DLG2: variants seen among roughly 807,000 people sequenced by gnomAD.
DLG2 encodes discs large MAGUK scaffold protein 2, also known as disks large homolog 2.
DLG2 carries 45 observed loss-of-function variants against 132.5 expected under a neutral mutation model. That is an observed-to-expected ratio of 0.34 (90% confidence interval 0.27 to 0.44). DLG2 has a LOEUF of 0.44. DLG2 is among the 20% of genes least tolerant of loss of function. The pLI is 1.00. For synonymous variants in DLG2, 424 were observed against 419.6 expected (o/e 1.01, Z -0.13); for missense variants, 1,045 against 1,196.9 (o/e 0.87, Z 1.87).
chr11:85,465,832 G>A (rs935999065), intron 3 of DLG2, among the ~76,000 whole-genome samples: 10 of 151,556 alleles, frequency 6.6e-5, no homozygotes, highest in Non-Finnish European at 1.3e-4. Context: ...GTAATGGGAT[G>A]GCTGGGTCAA....
intron 3 of DLG2, among the ~76,000 whole-genome samples, chr11:85,325,173 A>C (rs1246114902): frequency 6.9e-6 from 1 of 145,754 alleles, no homozygotes; most frequent in African/African-American, 2.5e-5. Context: ...ATCAAACTGC[A>C]AGGCGGCAAC....
At chr11:83,842,370 C>T (rs192737161) in intron 16 of DLG2, among the ~76,000 whole-genome samples, 186 of 151,734 alleles carry the variant, frequency 1.2e-3, no homozygotes, top group African/African-American at 3.9e-3. Context: ...CCAAGGCGGG[C>T]GGATCATGAG....
At chr11:85,530,458 T>G (rs531633561) in intron 3 of DLG2, among the ~76,000 whole-genome samples, 11 of 152,020 alleles carry the variant, frequency 7.2e-5, no homozygotes, top group African/African-American at 2.7e-4. Context: ...TTAGTTGCAA[T>G]TACAGGCACA....
intron 15 of DLG2, among the ~76,000 whole-genome samples, chr11:83,883,990 G>A (rs143260692): frequency 2.0e-5 from 3 of 152,284 alleles, no homozygotes; most frequent in East Asian, 1.9e-4. Context: ...GAACAGCTCC[G>A]GTCTACAGCT....
At chr11:84,134,117 A>G (rs1003272468) in intron 9 of DLG2, among the ~76,000 whole-genome samples, 2 of 152,146 alleles carry the variant, frequency 1.3e-5, no homozygotes, top group Admixed American at 1.3e-4. Flanking sequence ...TACTACCCTC[A>G]AGGAGCTCTA....
intron 8 of DLG2, among the ~76,000 whole-genome samples, chr11:84,217,525 GC>G (rs1255323264): frequency 3.3e-5 from 5 of 151,996 alleles, no homozygotes; most frequent in Non-Finnish European, 7.4e-5. Context: ...TTTGTAAATT[GC>G]CCAGTCTCAC....
intron 7 of DLG2, among the ~76,000 whole-genome samples, chr11:84,486,374 T>A (rs2154494679): frequency 1.3e-5 from 2 of 152,236 alleles, no homozygotes; most frequent in South Asian, 4.2e-4. Flanking sequence ...AAATCATCAT[T>A]TTTCTCCTCT....
intron 7 of DLG2, among the ~76,000 whole-genome samples, chr11:84,506,824 G>T (rs760065124): frequency 7.2e-5 from 11 of 152,160 alleles, no homozygotes; most frequent in Admixed American, 2.0e-4. Context: ...GGAACCTCAA[G>T]AACTGCCCAG....
chr11:83,521,770 C>T (rs1009601250), intron 21 of DLG2, among the ~76,000 whole-genome samples: 46 of 152,206 alleles, frequency 3.0e-4, no homozygotes, highest in African/African-American at 9.4e-4. Flanking sequence ...CCATTGCCAT[C>T]TGTGGGCTCC....
chr11:83,714,721 A>T (rs1396938646), intron 18 of DLG2, among the ~76,000 whole-genome samples: 1 of 152,134 alleles, frequency 6.6e-6, no homozygotes, highest in Admixed American at 6.6e-5. Flanking sequence ...TGATAACTAT[A>T]ATTTGTTTTA....
chr11:85,552,471 C>T (rs1565675871), intron 3 of DLG2, among the ~76,000 whole-genome samples: 1 of 151,046 alleles, frequency 6.6e-6, no homozygotes, highest in Non-Finnish European at 1.5e-5. Context: ...GTTAAAACAG[C>T]ACCCTCCCAA....
At chr11:85,142,227 T>G (rs1287312686) in intron 5 of DLG2, among the ~76,000 whole-genome samples, 1 of 151,840 alleles carries the variant, frequency 6.6e-6, no homozygotes, top group Non-Finnish European at 1.5e-5. Context: ...CCTCTTCAAT[T>G]TCTTTTACTA....
At chr11:85,117,555 C>T (rs1211225335) in intron 5 of DLG2, among the ~76,000 whole-genome samples, 1 of 148,598 alleles carries the variant, frequency 6.7e-6, no homozygotes, top group Non-Finnish European at 1.5e-5. Context: ...TTTCTTATTT[C>T]CCTCTTATGC....
intron 19 of DLG2, among the ~76,000 whole-genome samples, chr11:83,608,458 T>C (rs1171939736): frequency 1.3e-5 from 2 of 152,182 alleles, no homozygotes; most frequent in African/African-American, 4.8e-5. Context: ...CAAAAAGTTT[T>C]GGATTTTGGA....
intron 9 of DLG2, among the ~76,000 whole-genome samples, chr11:84,142,978 C>G (rs114618119): frequency 1.1e-3 from 161 of 152,156 alleles, no homozygotes; most frequent in African/African-American, 3.7e-3. Flanking sequence ...TCTGGAGACT[C>G]TAATACAGTG....
chr11:84,152,708 T>A (rs569017385), intron 9 of DLG2, among the ~76,000 whole-genome samples: 1 of 152,290 alleles, frequency 6.6e-6, no homozygotes, highest in African/African-American at 2.4e-5. Context: ...TCTATTTGCA[T>A]GATAGGTCTT....
chr11:83,878,729 G>C lies in DLG2; in HGVS notation c.1497-4241C>G, dbSNP rs1478413481. 2.0e-5 allele frequency among the ~76,000 whole-genome samples: 3 copies of C among 152,222 alleles called. No homozygotes were observed. In the East Asian group the frequency reaches 5.8e-4, roughly 29 times the overall value. ...GAAGATTTAAGTGACAATGAATAGTGGGTGGGTAGAATGAGCATGAGGGAG... is the reference window on the plus strand; with the variant it reads ...GAAGATTTAAGTGACAATGAATAGTCGGTGGGTAGAATGAGCATGAGGGAG... On this transcript the variant is annotated intron_variant, in intron 15 of 27. Coordinates refer to ENST00000376104, the MANE Select transcript of DLG2 (RefSeq NM_001142699.3).
At chr11:83,763,002 A>T (rs2093977767) in intron 18 of DLG2, among the ~76,000 whole-genome samples, 1 of 152,190 alleles carries the variant, frequency 6.6e-6, no homozygotes, top group African/African-American at 2.4e-5. Context: ...CCCATCTGCC[A>T]GGTTGGCTTT....
chr11:83,597,932 C>G (rs2057900369), intron 19 of DLG2, among the ~76,000 whole-genome samples: 1 of 152,132 alleles, frequency 6.6e-6, no homozygotes, highest in South Asian at 2.1e-4. Context: ...TTAAGAAGGC[C>G]AATATTATCA....
Sources: allele counts gnomAD v4.1 joint callset (sites outside exome capture counted in the v4.1 genomes callset), GRCh38; gene constraint gnomAD v4.1.1; transcripts MANE v1.5; gene names NCBI Gene and HGNC (gene_info 2026-07-23, HGNC 2026-07-21).